RTN3: variants seen among roughly 807,000 people sequenced by gnomAD.
The protein encoded by RTN3 is reticulon-3.
In RTN3, 49 loss-of-function variants were observed where a neutral mutation model predicts 77.8. The ratio of observed to expected loss-of-function variants is 0.63; its 90% CI spans 0.50 to 0.80. RTN3 has a LOEUF of 0.80. RTN3 is among the 30% of genes least tolerant of loss of function. The probability of loss-of-function intolerance (pLI) is 0.00; values close to 1 mark genes in which losing one functional copy is unlikely to be tolerated. For synonymous variants in RTN3, 464 were observed against 446.9 expected, an observed-to-expected ratio of 1.04 and a Z score of -0.48; for missense variants, 1,236 against 1,211.9, an observed-to-expected ratio of 1.02 and a Z score of -0.29.
At chr11:63,682,043 G>A (rs1281361094) in intron 1 of RTN3, among the ~76,000 whole-genome samples, 1 of 152,262 alleles carries the variant, frequency 6.6e-6, no homozygotes, top group African/African-American at 2.4e-5. Flanking sequence ...GACTGGGCAG[G>A]TGGGGAAAAA....
At chr11:63,736,867 C>T (rs2013154577) in intron 3 of RTN3, among the ~76,000 whole-genome samples, 1 of 152,038 alleles carries the variant, frequency 6.6e-6, no homozygotes, top group African/African-American at 2.4e-5. Flanking sequence ...ACTAGAATGA[C>T]TATCCCATCA....
At chr11:63,708,845 T>C (rs1289834676) in intron 2 of RTN3, among the ~76,000 whole-genome samples, 3 of 152,224 alleles carry the variant, frequency 2.0e-5, no homozygotes, top group Non-Finnish European at 2.9e-5. Flanking sequence ...AAATAGTGGA[T>C]TACATTTTAA....
intron 3 of RTN3, among the ~76,000 whole-genome samples, chr11:63,740,231 G>T (rs1396793407): frequency 6.6e-6 from 1 of 151,634 alleles, no homozygotes; most frequent in Non-Finnish European, 1.5e-5. Context: ...ATGGAAGTTT[G>T]ATACATAAAA....
In RTN3 at chr11:63,720,003, G is replaced by C. The variant is rs7936660; in HGVS notation, c.1501G>C (p.Asp501His). 6.5e-3 allele frequency: 10,444 copies of C among 1,614,182 alleles called. 42 individuals carry two copies. Among genetic ancestry groups the C allele is most frequent in the Non-Finnish European group, 7.8e-3 (9,231 of 1,180,022 alleles). Residue 501 changes from aspartate to histidine, a missense_variant, in exon 3 of 9, where the codon GAT (aspartate) becomes CAT (histidine). Physicochemically the swap from Asp to His is moderately conservative, Grantham distance 81 (BLOSUM62 -1). This residue lies in a region of RTN3 where 1,056 missense variants were observed against 990.4 expected (regional missense o/e 1.07). Coordinates refer to ENST00000377819, the MANE Select transcript of RTN3 (RefSeq NM_001265589.2). Reference sequence around the variant, plus strand: ...AGAAGCTGATAGTTCTGGTGAGTCTGATGACACAGTAATAGAGGACATCAC... The same window carrying C: ...AGAAGCTGATAGTTCTGGTGAGTCTCATGACACAGTAATAGAGGACATCAC... ...ITEADSSGES[D>H]DTVIEDITAD...
intron 1 of RTN3, among the ~76,000 whole-genome samples, chr11:63,702,404 AC>A (rs1224831108): frequency 3.5e-5 from 5 of 144,044 alleles, no homozygotes; most frequent in African/African-American, 1.3e-4. Flanking sequence ...AACCTCTGCC[AC>A]CCGGGTTCAA....
chr11:63,709,064 G>C (rs1377642233), intron 2 of RTN3, among the ~76,000 whole-genome samples: 3 of 152,142 alleles, frequency 2.0e-5, no homozygotes, highest in African/African-American at 7.2e-5. Context: ...ACTTGCTCAA[G>C]GTAACACAGC....
chr11:63,747,400 C>CT (rs1486414126), intron 3 of RTN3, among the ~76,000 whole-genome samples: 1 of 152,186 alleles, frequency 6.6e-6, no homozygotes, highest in African/African-American at 2.4e-5. Context: ...TGTTCAATCT[C>CT]TTAGTTCATC....
At chr11:63,729,167 A>T (rs1403418662) in intron 3 of RTN3, among the ~76,000 whole-genome samples, 2 of 152,020 alleles carry the variant, frequency 1.3e-5, no homozygotes, top group Non-Finnish European at 2.9e-5. Flanking sequence ...CCTGCACTAC[A>T]AGAAATGCTA....
chr11:63,733,987 G>A (rs938773094), intron 3 of RTN3, among the ~76,000 whole-genome samples: 1 of 151,986 alleles, frequency 6.6e-6, no homozygotes, highest in Non-Finnish European at 1.5e-5. Flanking sequence ...GTGAGATCCT[G>A]TTTCTAAAAT....
intron 3 of RTN3, among the ~76,000 whole-genome samples, chr11:63,722,543 G>A (rs1001212981): frequency 2.0e-5 from 3 of 152,122 alleles, no homozygotes; most frequent in African/African-American, 7.2e-5. Context: ...AGTAGTACTG[G>A]ATAATTATTT....
chr11:63,758,332 T>G lies in RTN3; in HGVS notation c.*131T>G. On this transcript the variant is annotated 3_prime_UTR_variant, in exon 9 of 9. Coordinates refer to ENST00000377819, the MANE Select transcript of RTN3 (RefSeq NM_001265589.2). ...ATTCCAAGCTTTTTTTTTAATTTGG[T>G]GTTTTCTCCCATCCTTTCCCTTTAA... 6.2e-7 allele frequency: 1 copy of G among 1,612,232 alleles called. No homozygotes were observed. The highest frequency in any genetic ancestry group is 8.5e-7 in the Non-Finnish European group (1 of 1,179,722).
intron 2 of RTN3, among the ~76,000 whole-genome samples, chr11:63,710,549 G>A (rs926548237): frequency 2.6e-4 from 39 of 152,082 alleles, no homozygotes; most frequent in Non-Finnish European, 1.0e-4. Context: ...AAGTAGGCAC[G>A]GGAAGACCGC....
chr11:63,755,525 C>T (rs1442436605), intron 7 of RTN3, among the ~76,000 whole-genome samples: 1 of 151,612 alleles, frequency 6.6e-6, no homozygotes, highest in African/African-American at 2.4e-5. Flanking sequence ...GTGGCGCATG[C>T]CTGTAATCCC....
chr11:63,681,479 C>A, upstream of RTN3: 1 of 734,180 alleles, frequency 1.4e-6, no homozygotes, highest in Non-Finnish European at 2.0e-6. Flanking sequence ...CGCCCTCTAG[C>A]TGCGCTCGGC....
chr11:63,705,174 A>G (rs888732530), intron 2 of RTN3, among the ~76,000 whole-genome samples: 1 of 152,234 alleles, frequency 6.6e-6, no homozygotes, highest in African/African-American at 2.4e-5. Context: ...CTTGCCCACC[A>G]GAATTTGGAG....
At chr11:63,710,986 G>T (rs569820162) in intron 2 of RTN3, among the ~76,000 whole-genome samples, 1 of 152,202 alleles carries the variant, frequency 6.6e-6, no homozygotes, top group East Asian at 1.9e-4. Flanking sequence ...TTTTGTTGAG[G>T]AAAATTTACT....
chr11:63,694,883 G>T (rs562961170), intron 1 of RTN3, among the ~76,000 whole-genome samples: 1 of 152,344 alleles, frequency 6.6e-6, no homozygotes, highest in East Asian at 1.9e-4. Flanking sequence ...AATAAATGGT[G>T]CAAAGAAAGC....
chr11:63,683,885 C>T (rs78871126), intron 1 of RTN3, among the ~76,000 whole-genome samples: 20 of 150,870 alleles, frequency 1.3e-4, no homozygotes, highest in Non-Finnish European at 2.1e-4. Context: ...TTACATTTTC[C>T]GAATAATATT....
intron 4 of RTN3, among the ~76,000 whole-genome samples, chr11:63,752,080 TG>T (rs1373353407): frequency 1.3e-5 from 2 of 151,672 alleles, no homozygotes; most frequent in African/African-American, 2.4e-5. Context: ...TTTTCCAAAA[TG>T]TTTTTTTTAA....
Sources: allele counts gnomAD v4.1 joint callset (sites outside exome capture counted in the v4.1 genomes callset), GRCh38; gene constraint gnomAD v4.1.1; regional missense constraint gnomAD v4.1.1; transcripts MANE v1.5; gene names NCBI Gene and HGNC (gene_info 2026-07-23, HGNC 2026-07-21).